The following NRXN3 variants were observed in gnomAD, a reference collection of about 807,000 sequenced individuals.
NRXN3 encodes neurexin 3.
NRXN3 carries 32 observed loss-of-function variants against 137.6 expected under a neutral mutation model. The observed-to-expected ratio is 0.23, with a 90% CI of 0.18 to 0.31. The LOEUF (loss-of-function observed/expected upper bound fraction) is 0.31, where lower values mean the gene tolerates loss of function less well. Ranked by LOEUF, NRXN3 falls within the 10% of genes least tolerant of loss-of-function variation. The pLI is 1.00. For synonymous variants in NRXN3, 798 were observed against 784.5 expected (o/e 1.02, Z -0.29); for missense variants, 1,574 against 2,062.5 (o/e 0.76, Z 4.59).
chr14:79,198,675 C>T (rs1342331725), intron 15 of NRXN3, among the ~76,000 whole-genome samples: 1 of 152,298 alleles, frequency 6.6e-6, no homozygotes. Flanking sequence ...TTCCATTCAA[C>T]TAGGTCAGTG....
chr14:79,368,648 T>C (rs1490850057), intron 15 of NRXN3, among the ~76,000 whole-genome samples: 1 of 152,170 alleles, frequency 6.6e-6, no homozygotes, highest in African/African-American at 2.4e-5. Context: ...TGAGCTGTGT[T>C]GTTGACCATT....
intron 4 of NRXN3, among the ~76,000 whole-genome samples, chr14:78,458,692 G>A (rs8020588): frequency 1 from 151,844 of 152,336 alleles, 75,677 homozygotes; most frequent in Non-Finnish European, 1. Context: ...TCTCAATTTA[G>A]TCTTTAATCC....
At chr14:79,572,121 A>C (rs2097610009) in intron 16 of NRXN3, among the ~76,000 whole-genome samples, 2 of 152,244 alleles carry the variant, frequency 1.3e-5, no homozygotes, top group East Asian at 1.9e-4. Context: ...GTTATTACAT[A>C]TCTCTTTTAT....
intron 20 of NRXN3, among the ~76,000 whole-genome samples, chr14:79,813,601 C>A (rs1299014005): frequency 6.6e-6 from 1 of 152,132 alleles, no homozygotes; most frequent in Non-Finnish European, 1.5e-5. Flanking sequence ...TCAAATTCCT[C>A]CCCTTTCAGC....
intron 4 of NRXN3, among the ~76,000 whole-genome samples, chr14:78,316,032 G>T (rs1049625276): frequency 1.3e-5 from 2 of 152,152 alleles, no homozygotes; most frequent in African/African-American, 4.8e-5. Flanking sequence ...TTGGCCCATT[G>T]TACTATTGGA....
chr14:78,681,089 G>T (rs1034522283), intron 6 of NRXN3, among the ~76,000 whole-genome samples: 3 of 152,194 alleles, frequency 2.0e-5, no homozygotes, highest in Admixed American at 1.3e-4. Context: ...CCATTTGGGG[G>T]TTGAGTCCTT....
At position 78,179,832 on chromosome 14, in the gene NRXN3, CTGTTTTTT is replaced by C. The variant is rs1224618765; in HGVS notation, c.-704+9168_-704+9175del. On this transcript the variant is annotated intron_variant, in intron 1 of 20. Coordinates refer to ENST00000335750, the MANE Select transcript of NRXN3 (RefSeq NM_001330195.2). ...TTTGTTTTTTTTTTTTTGTTTGTTTCTGTTTTTTTGTTTTTTTTTTTTTCTTGTTTTAG... is the reference window on the plus strand; with the variant it reads ...TTTGTTTTTTTTTTTTTGTTTGTTTCTGTTTTTTTTTTTTTCTTGTTTTAG... Among the ~76,000 whole-genome samples, 386 of 100,264 alleles carry C rather than the reference CTGTTTTTT, an allele frequency of 3.8e-3. 4 individuals carry two copies. The highest frequency in any genetic ancestry group is 6.2e-3 in the Non-Finnish European group (292 of 46,750). The allele number at this position is 100,264 out of a possible 152,430, so 65.8% of individuals were successfully genotyped here. A position where few individuals can be genotyped will look rare whatever the true frequency, so the allele number is the denominator to read the frequency against.
chr14:78,452,597 A>G (rs1250427776), intron 4 of NRXN3, among the ~76,000 whole-genome samples: 5 of 152,252 alleles, frequency 3.3e-5, no homozygotes, highest in Non-Finnish European at 7.3e-5. Context: ...GTCATAAGTA[A>G]CAGCATTTCA....
intron 10 of NRXN3, among the ~76,000 whole-genome samples, chr14:78,925,202 T>C (rs1259746059): frequency 6.6e-6 from 1 of 152,196 alleles, no homozygotes; most frequent in Non-Finnish European, 1.5e-5. Flanking sequence ...TGAAAGTCTG[T>C]CTAGAAATCA....
chr14:79,072,800 A>G (rs1482725042), intron 15 of NRXN3, among the ~76,000 whole-genome samples: 2 of 151,852 alleles, frequency 1.3e-5, no homozygotes, highest in Non-Finnish European at 2.9e-5. Flanking sequence ...TATATGACTA[A>G]GATGATCATC....
At chr14:78,980,308 C>T (rs534680958) in intron 14 of NRXN3, among the ~76,000 whole-genome samples, 1 of 152,200 alleles carries the variant, frequency 6.6e-6, no homozygotes, top group African/African-American at 2.4e-5. Flanking sequence ...CCTGCTGCAC[C>T]CTACATTTCT....
At chr14:79,168,701 C>A (rs1011982461) in intron 15 of NRXN3, among the ~76,000 whole-genome samples, 3 of 151,966 alleles carry the variant, frequency 2.0e-5, no homozygotes, top group South Asian at 4.1e-4. Context: ...CTTCTTGAAG[C>A]CTGTGATGAC....
At chr14:78,700,870 C>G (rs968947183) in intron 6 of NRXN3, among the ~76,000 whole-genome samples, 2 of 152,112 alleles carry the variant, frequency 1.3e-5, no homozygotes, top group African/African-American at 4.8e-5. Flanking sequence ...CACCTGGGTT[C>G]AAGCGATTCT....
intron 6 of NRXN3, among the ~76,000 whole-genome samples, chr14:78,704,071 G>C (rs1756564567): frequency 6.6e-6 from 1 of 152,180 alleles, no homozygotes; most frequent in Admixed American, 6.5e-5. Context: ...GAGTGGCCTG[G>C]GATAAGATGG....
chr14:78,621,452 A>G (rs547086783), intron 4 of NRXN3, among the ~76,000 whole-genome samples: 3 of 152,310 alleles, frequency 2.0e-5, no homozygotes, highest in East Asian at 1.9e-4. Flanking sequence ...CTTCAGGACA[A>G]TTATTTTATT....
chr14:79,260,684 A>C (rs1296919230), intron 15 of NRXN3, among the ~76,000 whole-genome samples: 1 of 152,184 alleles, frequency 6.6e-6, no homozygotes, highest in Non-Finnish European at 1.5e-5. Flanking sequence ...ACAGAAGAGC[A>C]GGCAGCCCTC....
intron 16 of NRXN3, among the ~76,000 whole-genome samples, chr14:79,535,865 CT>C (rs1312679924): frequency 1.3e-5 from 2 of 152,242 alleles, no homozygotes; most frequent in Admixed American, 6.5e-5. Flanking sequence ...GGGTTTGCCC[CT>C]ATAACAAGGC....
rs1468503503 is a variant in NRXN3, at chr14:78,351,139, G to A, written c.757+53279G>A. ...ACATTATATAGTACTCACAGAAATG[G>A]TTTCTATAGTTTTCTGCAAATTGTT... On this transcript the variant is annotated intron_variant, in intron 4 of 20. Coordinates refer to ENST00000335750, the MANE Select transcript of NRXN3 (RefSeq NM_001330195.2). Among the ~76,000 whole-genome samples the A allele has an allele frequency of 1.8e-4, 28 of 152,022 alleles. 1 individual carries two copies.
intron 16 of NRXN3, among the ~76,000 whole-genome samples, chr14:79,590,400 CCTTT>C (rs1433430794): frequency 4.1e-5 from 4 of 98,066 alleles, no homozygotes; most frequent in Admixed American, 1.1e-4. Flanking sequence ...GTCCATTAAA[CCTTT>C]CTTTCTTTTG....
Sources: gnomAD v4.1 joint callset for allele counts (sites outside exome capture counted in the v4.1 genomes callset) on GRCh38, gnomAD v4.1.1 for gene constraint, MANE v1.5 for transcripts, NCBI Gene and HGNC (gene_info 2026-07-23, HGNC 2026-07-21) for gene names.